The following NKAIN2 variants were observed in gnomAD, a reference collection of about 807,000 sequenced individuals.
The protein encoded by NKAIN2 is sodium/potassium-transporting ATPase subunit beta-1-interacting protein 2.
Under a neutral mutation model 32.6 loss-of-function variants are expected in NKAIN2, and 14 were observed. The observed-to-expected ratio is 0.43, with a 90% CI of 0.28 to 0.67. NKAIN2 has a LOEUF of 0.67. Among genes scored for constraint, NKAIN2 ranks in the 30% least tolerant of loss-of-function variants. NKAIN2 has a pLI of 0.17. For synonymous variants in NKAIN2, 80 were observed against 87.2 expected (o/e 0.92, Z 0.46); for missense variants, 198 against 258.3 (o/e 0.77, Z 1.60).
At chr6:123,991,262 A>G (rs1779397321) in intron 1 of NKAIN2, among the ~76,000 whole-genome samples, 1 of 152,170 alleles carries the variant, frequency 6.6e-6, no homozygotes, top group Non-Finnish European at 1.5e-5. Flanking sequence ...GTACATAAAC[A>G]CTTGGTTCCT....
chr6:124,094,307 C>A (rs1312306584), intron 1 of NKAIN2, among the ~76,000 whole-genome samples: 1 of 151,996 alleles, frequency 6.6e-6, no homozygotes, highest in Non-Finnish European at 1.5e-5. Context: ...AGTATCAGAG[C>A]CTTATCTTAT....
chr6:124,439,679 G>A (rs593660), intron 3 of NKAIN2, among the ~76,000 whole-genome samples: 1 of 150,852 alleles, frequency 6.6e-6, no homozygotes, highest in Non-Finnish European at 1.5e-5. Flanking sequence ...AGTCATTAAT[G>A]TATATACTAC....
chr6:124,024,516 A>G (rs1044151954), intron 1 of NKAIN2, among the ~76,000 whole-genome samples: 2 of 152,242 alleles, frequency 1.3e-5, no homozygotes, highest in Admixed American at 6.5e-5. Flanking sequence ...TAATAAGTTC[A>G]CATAAGGATA....
intron 5 of NKAIN2, among the ~76,000 whole-genome samples, chr6:124,810,775 GT>G (rs1232084557): frequency 6.6e-6 from 1 of 152,084 alleles, no homozygotes; most frequent in East Asian, 1.9e-4. Context: ...AGCATCTGCG[GT>G]GATTTAGCTA....
chr6:123,820,644 C>A (rs1414122800), intron 1 of NKAIN2, among the ~76,000 whole-genome samples: 1 of 152,126 alleles, frequency 6.6e-6, no homozygotes, highest in Non-Finnish European at 1.5e-5. Flanking sequence ...CCTTGCCAGC[C>A]ATTCTGTACA....
At chr6:123,859,597 C>A (rs9490972) in intron 1 of NKAIN2, among the ~76,000 whole-genome samples, 47,268 of 152,162 alleles carry the variant, frequency 0.31, 7,980 homozygotes, top group Non-Finnish European at 0.38. Context: ...TGTGGTCCAT[C>A]CATTGGTCCT....
chr6:124,546,678 C>T (rs963381983), intron 3 of NKAIN2, among the ~76,000 whole-genome samples: 13 of 152,012 alleles, frequency 8.6e-5, no homozygotes, highest in Admixed American at 3.3e-4. Flanking sequence ...ATGCTTCCCC[C>T]TCAAGAAATT....
chr6:124,653,351 T>G (rs560178489), intron 3 of NKAIN2, among the ~76,000 whole-genome samples: 1 of 146,762 alleles, frequency 6.8e-6, no homozygotes, highest in Middle Eastern at 3.6e-3. Context: ...CACACAAATA[T>G]AGTCAACTGT....
At position 124,052,042 on chromosome 6, in the gene NKAIN2, T is replaced by G. The variant is rs7775927; in HGVS notation, c.55-230963T>G. On this transcript the variant is annotated intron_variant, in intron 1 of 6. Coordinates refer to ENST00000368417, the MANE Select transcript of NKAIN2 (RefSeq NM_001040214.3). ...GTTATAGTCCATTTCTCTATAGGGT[T>G]TATTGAAAATGCAGCAATATCAACA... Among the ~76,000 whole-genome samples the G allele has an allele frequency of 3.5e-4, 53 of 152,074 alleles. No homozygotes were observed. The East Asian group carries it at 4.5e-3, about 13-fold the overall frequency.
intron 1 of NKAIN2, among the ~76,000 whole-genome samples, chr6:123,901,621 C>T (rs1774592030): frequency 6.6e-6 from 1 of 152,122 alleles, no homozygotes; most frequent in South Asian, 2.1e-4. Flanking sequence ...CCTTCCGGCT[C>T]CCTCTGCATA....
intron 4 of NKAIN2, among the ~76,000 whole-genome samples, chr6:124,752,550 T>C (rs1777773078): frequency 1.3e-5 from 2 of 152,024 alleles, no homozygotes; most frequent in African/African-American, 2.4e-5. Context: ...TATGTGTGTG[T>C]GTGTGTGTGT....
chr6:124,193,358 C>T (rs868198316), intron 1 of NKAIN2, among the ~76,000 whole-genome samples: 1 of 152,196 alleles, frequency 6.6e-6, no homozygotes, highest in African/African-American at 2.4e-5. Context: ...GGTATGCTGG[C>T]TGCAGCAGGG....
intron 1 of NKAIN2, among the ~76,000 whole-genome samples, chr6:124,071,005 A>T (rs1163975881): frequency 2.0e-5 from 3 of 152,226 alleles, no homozygotes; most frequent in African/African-American, 7.2e-5. Flanking sequence ...GCACAGCCAG[A>T]ATAGAGGTTA....
intron 3 of NKAIN2, among the ~76,000 whole-genome samples, chr6:124,426,841 C>A (rs1775002658): frequency 6.6e-6 from 1 of 152,116 alleles, no homozygotes; most frequent in South Asian, 2.1e-4. Context: ...CTCACGAGAT[C>A]TGATGGTTTT....
chr6:124,210,362 A>C (rs889708174), intron 1 of NKAIN2, among the ~76,000 whole-genome samples: 1 of 151,888 alleles, frequency 6.6e-6, no homozygotes, highest in African/African-American at 2.4e-5. Flanking sequence ...GTTAAAAGTC[A>C]GGTAATGTGA....
chr6:124,750,911 G>A (rs1583791286), intron 4 of NKAIN2, among the ~76,000 whole-genome samples: 1 of 151,802 alleles, frequency 6.6e-6, no homozygotes, highest in East Asian at 2.0e-4. Flanking sequence ...GAGATTTTAT[G>A]GTGGAATCAC....
chr6:124,617,861 A>G (rs532169110), intron 3 of NKAIN2, among the ~76,000 whole-genome samples: 108 of 152,326 alleles, frequency 7.1e-4, no homozygotes, highest in African/African-American at 2.6e-3. Flanking sequence ...TTTTATAACT[A>G]GGAATAATTC....
At chr6:124,314,280 A>G (rs1796844884) in intron 2 of NKAIN2, among the ~76,000 whole-genome samples, 1 of 152,126 alleles carries the variant, frequency 6.6e-6, no homozygotes, top group Non-Finnish European at 1.5e-5. Context: ...ATCAGAATAA[A>G]TTATTAATGG....
chr6:124,343,649 A>G (rs1485068618), intron 2 of NKAIN2, among the ~76,000 whole-genome samples: 2 of 149,266 alleles, frequency 1.3e-5, no homozygotes, highest in Non-Finnish European at 3.0e-5. Context: ...GTGTCTGTTG[A>G]TATCCTTCGC....
Sources: gnomAD v4.1 joint callset for allele counts (sites outside exome capture counted in the v4.1 genomes callset) on GRCh38, gnomAD v4.1.1 for gene constraint, MANE v1.5 for transcripts, NCBI Gene and HGNC (gene_info 2026-07-23, HGNC 2026-07-21) for gene names.